The following MYO16 variants were observed in gnomAD, a reference collection of about 807,000 sequenced individuals.
The protein encoded by MYO16 is myosin XVI, also known as unconventional myosin-XVI.
Under a neutral mutation model 205.3 loss-of-function variants are expected in MYO16, and 94 were observed. That is an observed-to-expected ratio of 0.46 (90% CI 0.39 to 0.54). The LOEUF (loss-of-function observed/expected upper bound fraction) is 0.54, where lower values mean the gene tolerates loss of function less well. Ranked by LOEUF, MYO16 falls within the 20% of genes least tolerant of loss-of-function variation. The pLI is 0.00. For missense variants in MYO16, 2,315 were observed against 2,387.5 expected, an observed-to-expected ratio of 0.97 and a Z score of 0.63; for synonymous variants, 988 against 954.0, an observed-to-expected ratio of 1.04 and a Z score of -0.66.
chr13:108,887,011 G>A (rs9514937), intron 13 of MYO16, among the ~76,000 whole-genome samples: 113,750 of 151,992 alleles, frequency 0.75, 42,818 homozygotes, highest in East Asian at 0.97. Context: ...GATAAAATTA[G>A]CCATTTGAAA....
At chr13:109,071,204 C>T (rs1887914346) in intron 27 of MYO16, among the ~76,000 whole-genome samples, 1 of 152,030 alleles carries the variant, frequency 6.6e-6, no homozygotes, top group East Asian at 1.9e-4. Flanking sequence ...ATTTTTTCAA[C>T]TTTAAAATAG....
chr13:108,569,731 C>A, the MYO16 span, among the ~76,000 whole-genome samples: 1 of 152,064 alleles, frequency 6.6e-6, no homozygotes, highest in South Asian at 2.1e-4. Flanking sequence ...CTGATTTTAA[C>A]GATAATATTT....
At chr13:108,789,774 G>A (rs943930857) in intron 5 of MYO16, among the ~76,000 whole-genome samples, 24 of 152,218 alleles carry the variant, frequency 1.6e-4, no homozygotes, top group Non-Finnish European at 3.2e-4. Flanking sequence ...TAAAATCATG[G>A]GATAGGTCAT....
the MYO16 span, among the ~76,000 whole-genome samples, chr13:108,568,117 G>T: frequency 6.6e-6 from 1 of 152,120 alleles, no homozygotes; most frequent in East Asian, 1.9e-4. Flanking sequence ...TCAGTTGATG[G>T]ACATTTGTGT....
chr13:108,736,325 G>A (rs926703667), intron 4 of MYO16, among the ~76,000 whole-genome samples: 21 of 152,132 alleles, frequency 1.4e-4, no homozygotes, highest in African/African-American at 5.1e-4. Context: ...TTTTGTATAA[G>A]GTGTAAGAAG....
intron 7 of MYO16, among the ~76,000 whole-genome samples, chr13:108,819,489 G>A (rs556296030): frequency 1.3e-5 from 2 of 152,120 alleles, no homozygotes; most frequent in East Asian, 1.9e-4. Context: ...GAAAAGTCAC[G>A]ATAGTGGCCA....
chr13:108,719,651 A>G (rs1446667490), intron 3 of MYO16, among the ~76,000 whole-genome samples: 1 of 151,972 alleles, frequency 6.6e-6, no homozygotes, highest in Non-Finnish European at 1.5e-5. Flanking sequence ...TGAATGTCTC[A>G]CCCCAGGCCG....
intron 3 of MYO16, among the ~76,000 whole-genome samples, chr13:108,715,261 G>A (rs1300332504): frequency 1.3e-5 from 2 of 152,114 alleles, no homozygotes; most frequent in South Asian, 2.1e-4. Context: ...AGATGTACAC[G>A]GCTCGCTTGC....
At chr13:108,838,712 A>C (rs1877074211) in intron 9 of MYO16, among the ~76,000 whole-genome samples, 1 of 142,902 alleles carries the variant, frequency 7.0e-6, no homozygotes, top group African/African-American at 2.6e-5. Context: ...CACACACACT[A>C]TACATATACA....
chr13:108,667,903 C>G (rs1170483603), intron 2 of MYO16, among the ~76,000 whole-genome samples: 1 of 151,990 alleles, frequency 6.6e-6, no homozygotes, highest in African/African-American at 2.4e-5. Context: ...TTAAAATTAG[C>G]TGGACCTGGT....
chr13:108,823,002 GT>G, intron 8 of MYO16, 122 bp from the exon 9 acceptor site: 1 of 915,884 alleles, frequency 1.1e-6, no homozygotes, highest in Non-Finnish European at 1.6e-6. Context: ...AAGGTTTTTT[GT>G]TTTGATTCAT....
intron 33 of MYO16, among the ~76,000 whole-genome samples, chr13:109,174,748 CTTTTTT>C (rs34606084): frequency 2.3e-5 from 2 of 85,628 alleles, no homozygotes; most frequent in Non-Finnish European, 5.0e-5. Flanking sequence ...CTTGTCTTGT[CTTTTTT>C]TTTTTTTTTT....
intron 23 of MYO16, among the ~76,000 whole-genome samples, chr13:109,040,683 C>T (rs1886858510): frequency 6.6e-6 from 1 of 152,030 alleles, no homozygotes; most frequent in African/African-American, 2.4e-5. Context: ...TAAAAATCAA[C>T]TCCCAGACAA....
chr13:108,885,420 A>G (rs1295862215), intron 13 of MYO16, among the ~76,000 whole-genome samples: 1 of 151,776 alleles, frequency 6.6e-6, no homozygotes, highest in East Asian at 2.0e-4. Context: ...GTACCTGGCC[A>G]CTCATTCTGG....
intron 21 of MYO16, among the ~76,000 whole-genome samples, chr13:109,006,185 G>C (rs1299020805): frequency 1.3e-5 from 2 of 152,192 alleles, no homozygotes; most frequent in Non-Finnish European, 2.9e-5. Flanking sequence ...ATGTGGAAAA[G>C]AGGAACCCAG....
At chr13:108,707,460 C>T (rs760290273) in intron 2 of MYO16, among the ~76,000 whole-genome samples, 1 of 152,070 alleles carries the variant, frequency 6.6e-6, no homozygotes, top group African/African-American at 2.4e-5. Flanking sequence ...TAGTGAGGGT[C>T]GAGGGTCATT....
rs1887381638 is a variant in MYO16, at chr13:109,055,346, G to A, written c.3130-44G>A. On this transcript the variant is annotated intron_variant, in intron 26 of 34. Coordinates refer to ENST00000457511, the MANE Select transcript of MYO16 (RefSeq NM_001198950.3). This position sits in a 1 kb window ranked among gnomAD's most constrained non-coding sequence, Gnocchi z 5.0. ...AAAAACTGCTTTATATTTTTAGCTA[G>A]TGTCTCCTTTGGAGAATCAGTTGGG... 2 of 1,481,792 alleles carry A rather than the reference G, an allele frequency of 1.3e-6. No individual in the cohort carries two copies. Among genetic ancestry groups the A allele is most frequent in the South Asian group, 2.4e-5 (2 of 84,506 alleles). The allele number at this position is 1,481,792 out of a possible 1,614,324, so 91.8% of individuals were successfully genotyped here. A position where few individuals can be genotyped will look rare whatever the true frequency, so the allele number is the denominator to read the frequency against.
rs185986535 is a variant in MYO16 at position 108,623,071 on chromosome 13, G to T, written c.-39+26832G>T. On this transcript the variant is annotated intron_variant, in intron 1 of 24. Coordinates refer to the MYO16 transcript ENST00000251041. ...CCTGAAATATAAGCCCATGGGCCTGGGAGGTAATTCTCCAAATTGCTTCAG... is the reference window on the plus strand; with the variant it reads ...CCTGAAATATAAGCCCATGGGCCTGTGAGGTAATTCTCCAAATTGCTTCAG... Among the ~76,000 whole-genome samples, 555 of 152,254 alleles carry T rather than the reference G, an allele frequency of 3.6e-3. 3 individuals are homozygous for T. The highest frequency in any genetic ancestry group is 0.012 in the African/African-American group (505 of 41,558).
chr13:108,728,522 C>G (rs13378875), intron 4 of MYO16, among the ~76,000 whole-genome samples: 4,609 of 152,210 alleles, frequency 0.03, 222 homozygotes, highest in African/African-American at 0.1. Context: ...GCCGTGCTCC[C>G]CCTGTAGGCC....
Sources: gnomAD v4.1 joint callset for allele counts (sites outside exome capture counted in the v4.1 genomes callset) on GRCh38, gnomAD v4.1.1 for gene constraint, Gnocchi (gnomAD v3.1) non-coding constraint, MANE v1.5 for transcripts, NCBI Gene and HGNC (gene_info 2026-07-23, HGNC 2026-07-21) for gene names.